Variants in XKR4 observed in about 807,000 individuals in gnomAD.
XKR4 encodes XK related 4, also known as XK-related protein 4.
A neutral mutation model predicts 53.9 loss-of-function variants in XKR4; 12 were observed. The ratio of observed to expected loss-of-function variants is 0.22; its 90% CI spans 0.14 to 0.36. XKR4 has a LOEUF of 0.36. Ranked by LOEUF, XKR4 falls within the 10% of genes least tolerant of loss-of-function variation. The pLI, the probability that XKR4 is intolerant of heterozygous loss-of-function variation, is 1.00. For synonymous variants in XKR4, 354 were observed against 362.4 expected, an observed-to-expected ratio of 0.98 and a Z score of 0.26; for missense variants, 799 against 859.5, an observed-to-expected ratio of 0.93 and a Z score of 0.88.
chr8:55,458,969 A>C (rs1489031216), intron 2 of XKR4, among the ~76,000 whole-genome samples: 2 of 152,170 alleles, frequency 1.3e-5, no homozygotes, highest in East Asian at 3.8e-4. Flanking sequence ...CAGCGACCCC[A>C]CCCTTTTCTA....
At chr8:55,367,361 C>A (rs1804004105) in intron 2 of XKR4, among the ~76,000 whole-genome samples, 1 of 152,026 alleles carries the variant, frequency 6.6e-6, no homozygotes, top group Non-Finnish European at 1.5e-5. Context: ...AAATCTCTGT[C>A]CATTTTGTGG....
chr8:55,515,260 T>A (rs1806695103), intron 2 of XKR4, among the ~76,000 whole-genome samples: 1 of 152,210 alleles, frequency 6.6e-6, no homozygotes, highest in Non-Finnish European at 1.5e-5. Context: ...ATATTTTTAA[T>A]CAGAACTATT....
intron 1 of XKR4, among the ~76,000 whole-genome samples, chr8:55,307,054 G>A (rs990364542): frequency 6.6e-6 from 1 of 151,806 alleles, no homozygotes; most frequent in Non-Finnish European, 1.5e-5. Flanking sequence ...AAAAAAATAG[G>A]AGAAAATATT....
At chr8:55,115,426 TG>T (rs963671804) in intron 1 of XKR4, among the ~76,000 whole-genome samples, 3 of 151,110 alleles carry the variant, frequency 2.0e-5, no homozygotes, top group African/African-American at 7.3e-5. Flanking sequence ...TTATAGACAA[TG>T]CTTTAAGCAA....
At chr8:55,411,817 A>C (rs1804782478) in intron 2 of XKR4, among the ~76,000 whole-genome samples, 1 of 152,198 alleles carries the variant, frequency 6.6e-6, no homozygotes, top group Non-Finnish European at 1.5e-5. Flanking sequence ...TGAGCCCCTC[A>C]GGCCCAGCAC....
chr8:55,315,553 G>A (rs1819460855), intron 1 of XKR4, among the ~76,000 whole-genome samples: 1 of 152,100 alleles, frequency 6.6e-6, no homozygotes, highest in Admixed American at 6.5e-5. Flanking sequence ...TAGCTAATTG[G>A]GATGGTGAGG....
intron 1 of XKR4, among the ~76,000 whole-genome samples, chr8:55,134,091 C>T (rs1816593408): frequency 6.6e-6 from 1 of 152,108 alleles, no homozygotes. Context: ...CTGTTTATAA[C>T]AGCTAATTAC....
chr8:55,147,280 T>C (rs1413462573), intron 1 of XKR4, among the ~76,000 whole-genome samples: 1 of 151,962 alleles, frequency 6.6e-6, no homozygotes, highest in Non-Finnish European at 1.5e-5. Context: ...TAACAGAAAA[T>C]GTGAACTGTC....
rs371859804 is a variant in XKR4, at chr8:55,315,886, C to G, written c.807-41792C>G. Reference sequence around the variant, plus strand: ...AACACAGGAACATGATAGCATCTCTCTGAAAATCCTAAAAATTGTATGGAC... The same window carrying G: ...AACACAGGAACATGATAGCATCTCTGTGAAAATCCTAAAAATTGTATGGAC... On this transcript the variant is annotated intron_variant, in intron 1 of 2. Coordinates refer to ENST00000327381, the MANE Select transcript of XKR4 (RefSeq NM_052898.2). Among the ~76,000 whole-genome samples the G allele has an allele frequency of 7.2e-5, 11 of 152,272 alleles. No homozygotes were observed. In the South Asian group the frequency reaches 2.3e-3, roughly 32 times the overall value.
intron 2 of XKR4, among the ~76,000 whole-genome samples, chr8:55,462,239 C>A (rs1462529318): frequency 6.6e-6 from 1 of 152,164 alleles, no homozygotes; most frequent in Non-Finnish European, 1.5e-5. Context: ...GTCGGGTTAC[C>A]CACAAAGGGA....
At chr8:55,238,332 C>T (rs1217905102) in intron 1 of XKR4, among the ~76,000 whole-genome samples, 1 of 152,170 alleles carries the variant, frequency 6.6e-6, no homozygotes, top group East Asian at 1.9e-4. Context: ...TCAGGAAAAG[C>T]ATGGCTAAGT....
intron 2 of XKR4, among the ~76,000 whole-genome samples, chr8:55,479,095 A>G (rs1806055827): frequency 6.6e-6 from 1 of 152,122 alleles, no homozygotes; most frequent in Non-Finnish European, 1.5e-5. Flanking sequence ...AACAGAATAT[A>G]CATTCTTTTC....
intron 2 of XKR4, among the ~76,000 whole-genome samples, chr8:55,437,958 A>C (rs1376846711): frequency 8.5e-6 from 1 of 117,218 alleles, no homozygotes; most frequent in Non-Finnish European, 1.7e-5. Flanking sequence ...AACAAACAAA[A>C]AAAAAAAAGA....
chr8:55,344,514 G>A (rs1164129797), intron 1 of XKR4, among the ~76,000 whole-genome samples: 1 of 151,128 alleles, frequency 6.6e-6, no homozygotes, highest in Non-Finnish European at 1.5e-5. Flanking sequence ...TGAAGACTTG[G>A]ATCACAGTCA....
At position 55,115,739 on chromosome 8, in the gene XKR4, G is replaced by C. The variant is rs370191001; in HGVS notation, c.806+12445G>C. Among the ~76,000 whole-genome samples the C allele has an allele frequency of 2.6e-5, 4 of 152,084 alleles. No individual in the cohort carries two copies. The East Asian group carries it at 5.8e-4, about 22-fold the overall frequency. ...GGAGGTTGCAGTGAGCCGAGATCATGCCACTGTACTCCAGCCTGGTGACAG... is the reference window on the plus strand; with the variant it reads ...GGAGGTTGCAGTGAGCCGAGATCATCCCACTGTACTCCAGCCTGGTGACAG... On this transcript the variant is annotated intron_variant, in intron 1 of 2. Transcript: ENST00000327381.
intron 2 of XKR4, among the ~76,000 whole-genome samples, chr8:55,369,310 C>T (rs1258005536): frequency 6.9e-6 from 1 of 145,982 alleles, no homozygotes; most frequent in African/African-American, 2.5e-5. Flanking sequence ...GAGCATGCCA[C>T]TGCACTCCAG....
chr8:55,523,058 C>G (rs1806821695), intron 2 of XKR4, among the ~76,000 whole-genome samples: 1 of 151,152 alleles, frequency 6.6e-6, no homozygotes, highest in Non-Finnish European at 1.5e-5. Flanking sequence ...AGGAGAATGG[C>G]GTGAACCCAG....
intron 1 of XKR4, among the ~76,000 whole-genome samples, chr8:55,321,470 C>A (rs1027667358): frequency 2.6e-5 from 4 of 152,192 alleles, no homozygotes; most frequent in African/African-American, 7.2e-5. Context: ...GAGGGTGTTA[C>A]TGAGTTCCAG....
chr8:55,479,315 A>T (rs1806060713), intron 2 of XKR4, among the ~76,000 whole-genome samples: 1 of 152,112 alleles, frequency 6.6e-6, no homozygotes, highest in Non-Finnish European at 1.5e-5. Flanking sequence ...TACATAACAA[A>T]ATGAAGGCAG....
Sources: allele counts gnomAD v4.1 joint callset (sites outside exome capture counted in the v4.1 genomes callset), GRCh38; gene constraint gnomAD v4.1.1; transcripts MANE v1.5; gene names NCBI Gene and HGNC (gene_info 2026-07-23, HGNC 2026-07-21).